Variants in EHBP1 observed in about 807,000 individuals in gnomAD.
EHBP1 encodes the protein EH domain binding protein 1.
EHBP1 carries 55 observed loss-of-function variants against 144.0 expected under a neutral mutation model. The ratio of observed to expected loss-of-function variants is 0.38; its 90% CI spans 0.31 to 0.48. EHBP1 has a LOEUF of 0.48. EHBP1 is among the 20% of genes least tolerant of loss of function. The pLI, the probability that EHBP1 is intolerant of heterozygous loss-of-function variation, is 0.98. For missense variants in EHBP1, 1,200 were observed against 1,364.2 expected, an observed-to-expected ratio of 0.88 and a Z score of 1.90; for synonymous variants, 469 against 472.7, an observed-to-expected ratio of 0.99 and a Z score of 0.10.
chr2:62,983,689 C>T (rs949101005), intron 15 of EHBP1, among the ~76,000 whole-genome samples: 1 of 152,010 alleles, frequency 6.6e-6, no homozygotes, highest in Non-Finnish European at 1.5e-5. Context: ...TACAGGCACC[C>T]GGCCACCATG....
At chr2:62,788,173 A>T (rs904830865) in intron 5 of EHBP1, among the ~76,000 whole-genome samples, 9 of 152,028 alleles carry the variant, frequency 5.9e-5, no homozygotes, top group Non-Finnish European at 1.3e-4. Flanking sequence ...TAATTCTGTA[A>T]TTTTTTCTAA....
At chr2:63,023,596 C>T (rs1188913425) in intron 19 of EHBP1, among the ~76,000 whole-genome samples, 1 of 152,182 alleles carries the variant, frequency 6.6e-6, no homozygotes, top group Non-Finnish European at 1.5e-5. Flanking sequence ...TTACCCACCC[C>T]AAAGCCAACC....
At chr2:62,746,483 G>A (rs558371770) in intron 2 of EHBP1, among the ~76,000 whole-genome samples, 2 of 152,174 alleles carry the variant, frequency 1.3e-5, no homozygotes, top group South Asian at 2.1e-4. Context: ...GACATAGAAA[G>A]TGGTGAAGGT....
chr2:62,960,493 C>T (rs190511264), intron 14 of EHBP1, among the ~76,000 whole-genome samples: 4 of 152,182 alleles, frequency 2.6e-5, no homozygotes, highest in South Asian at 2.1e-4. Context: ...TATTCTCTAC[C>T]GTAGCATGCA....
chr2:62,853,090 A>G lies in EHBP1; in HGVS notation c.635-6079A>G, dbSNP rs567783352. 2.0e-4 allele frequency among the ~76,000 whole-genome samples: 31 copies of G among 152,286 alleles called. 1 individual carries two copies. In the South Asian group the frequency reaches 5.6e-3, roughly 28 times the overall value. The stretch of plus-strand genomic sequence containing the variant: ...AAGTTGATAAGCTTATCAACTTTTC[A>G]TATATATTTTGCTGAAAGATCTATA... On this transcript the variant is annotated intron_variant, in intron 7 of 22. Transcript: ENST00000431489.
At chr2:62,984,714 T>G (rs574009942) in intron 15 of EHBP1, among the ~76,000 whole-genome samples, 3 of 152,336 alleles carry the variant, frequency 2.0e-5, no homozygotes, top group African/African-American at 7.2e-5. Flanking sequence ...AGACCTGAGC[T>G]GTATAGATCA....
Position 62,707,164 on chromosome 2 carries a change from A to G in EHBP1, c.-28A>G, listed in dbSNP as rs1284647456. 3.8e-6 allele frequency: 6 copies of G among 1,587,894 alleles called. No homozygotes were observed. The African/African-American group carries it at 8.1e-5, about 21-fold the overall frequency. ...TAAAGCTGCTGTATTGCTAACCCAG[A>G]ACTGCTCCAGTGTCTTGACTGATCA... On this transcript the variant is annotated 5_prime_UTR_variant, in exon 2 of 23. Coordinates refer to ENST00000431489, the MANE Select transcript of EHBP1 (RefSeq NM_001142616.3).
intron 18 of EHBP1, 105 bp from the exon 19 acceptor site, chr2:62,996,538 G>A (rs895435354): frequency 1.4e-5 from 20 of 1,389,618 alleles, no homozygotes; most frequent in Non-Finnish European, 1.8e-5. Context: ...TGATACTAAC[G>A]GTGTATTTGG....
intron 8 of EHBP1, among the ~76,000 whole-genome samples, chr2:62,860,366 A>AC (rs1271668657): frequency 1.3e-5 from 2 of 152,070 alleles, no homozygotes; most frequent in Admixed American, 1.3e-4. Flanking sequence ...TGGTGCATGC[A>AC]TGTAATCCCA....
At chr2:62,786,675 A>AT (rs1485380090) in intron 5 of EHBP1, among the ~76,000 whole-genome samples, 1 of 152,152 alleles carries the variant, frequency 6.6e-6, no homozygotes, top group Non-Finnish European at 1.5e-5. Context: ...TTATGATTTA[A>AT]TTTTTCACAT....
chr2:62,990,377 T>C (rs2059367036), intron 15 of EHBP1, among the ~76,000 whole-genome samples: 2 of 152,156 alleles, frequency 1.3e-5, no homozygotes, highest in East Asian at 3.8e-4. Flanking sequence ...TTTAAATATC[T>C]AGTTTGTTAT....
chr2:62,820,233 A>G (rs1223067423), intron 5 of EHBP1, among the ~76,000 whole-genome samples: 1 of 151,746 alleles, frequency 6.6e-6, no homozygotes, highest in African/African-American at 2.4e-5. Context: ...AAGAAAAAAA[A>G]AAAAAAGAAC....
chr2:62,714,230 A>G (rs1233217276), intron 2 of EHBP1, among the ~76,000 whole-genome samples: 1 of 152,234 alleles, frequency 6.6e-6, no homozygotes, highest in Non-Finnish European at 1.5e-5. Flanking sequence ...TTAAAAAGAA[A>G]AAAAGAAAGA....
intron 2 of EHBP1, among the ~76,000 whole-genome samples, chr2:62,740,525 A>G (rs1558584631): frequency 6.6e-6 from 1 of 152,154 alleles, no homozygotes; most frequent in Non-Finnish European, 1.5e-5. Flanking sequence ...TGATAAGACA[A>G]TCTCCCCCTT....
intron 10 of EHBP1, among the ~76,000 whole-genome samples, chr2:62,905,967 T>C (rs969725537): frequency 1.4e-4 from 22 of 152,050 alleles, no homozygotes; most frequent in African/African-American, 5.3e-4. Context: ...TAGATAAATA[T>C]AAGATTTTTA....
intron 2 of EHBP1, among the ~76,000 whole-genome samples, chr2:62,725,977 TG>T (rs1287479392): frequency 6.6e-6 from 1 of 151,954 alleles, no homozygotes; most frequent in East Asian, 1.9e-4. Context: ...CAAGCAGAAG[TG>T]GCCAGGCTAG....
In EHBP1 at chr2:63,045,275, G is replaced by A. The variant is rs1400050409; in HGVS notation, c.3392+95G>A. 7.2e-7 allele frequency: 1 copy of A among 1,396,938 alleles called. No individual in the cohort carries two copies. Among genetic ancestry groups the A allele is most frequent in the African/African-American group, 1.4e-5 (1 of 70,092 alleles). 86.5% of individuals were successfully genotyped at this position (1,396,938 alleles called of 1,614,324 possible). Reference sequence around the variant, plus strand: ...CAATCCAGAGGTCGCGGGAGGGCCGGGGCAGCCTCCCACTGGCCTGGTGCT... The same window carrying A: ...CAATCCAGAGGTCGCGGGAGGGCCGAGGCAGCCTCCCACTGGCCTGGTGCT... On this transcript the variant is annotated intron_variant, in intron 22 of 22. Transcript: ENST00000431489. This position sits in a 1 kb window ranked among gnomAD's most constrained non-coding sequence, Gnocchi z 5.7.
At chr2:62,730,401 A>G (rs1300491500) in intron 2 of EHBP1, among the ~76,000 whole-genome samples, 1 of 152,142 alleles carries the variant, frequency 6.6e-6, no homozygotes, top group African/African-American at 2.4e-5. Flanking sequence ...GGAATCATAC[A>G]TTAGGTAGAC....
chr2:62,844,431 G>GA (rs2048148773), intron 7 of EHBP1, among the ~76,000 whole-genome samples: 1 of 152,148 alleles, frequency 6.6e-6, no homozygotes, highest in African/African-American at 2.4e-5. Context: ...ATTACAGTTG[G>GA]AAAAATCACT....
Sources: gnomAD v4.1 joint callset for allele counts (sites outside exome capture counted in the v4.1 genomes callset) on GRCh38, gnomAD v4.1.1 for gene constraint, Gnocchi (gnomAD v3.1) non-coding constraint, MANE v1.5 for transcripts, NCBI Gene and HGNC (gene_info 2026-07-23, HGNC 2026-07-21) for gene names.